Variants in FSTL4 observed in about 807,000 individuals in gnomAD.
FSTL4 encodes the protein follistatin-related protein 4.
A neutral mutation model predicts 78.2 loss-of-function variants in FSTL4; 28 were observed. That is an observed-to-expected ratio of 0.36 (90% CI 0.27 to 0.49). The LOEUF (loss-of-function observed/expected upper bound fraction) is 0.49, where lower values mean the gene tolerates loss of function less well. Among genes scored for constraint, FSTL4 ranks in the 20% least tolerant of loss-of-function variants. The probability of loss-of-function intolerance (pLI) is 0.98; values close to 1 mark genes in which losing one functional copy is unlikely to be tolerated. For synonymous variants in FSTL4, 422 were observed against 440.5 expected (o/e 0.96, Z 0.53); for missense variants, 922 against 1,084.9 (o/e 0.85, Z 2.11).
intron 4 of FSTL4, among the ~76,000 whole-genome samples, chr5:133,327,762 C>T (rs1039767725): frequency 2.0e-5 from 3 of 152,176 alleles, no homozygotes; most frequent in African/African-American, 4.8e-5. Flanking sequence ...GCTGAGTTTG[C>T]GGCTGAAAGG....
chr5:133,417,600 T>C (rs1016465422), intron 3 of FSTL4, among the ~76,000 whole-genome samples: 3 of 152,010 alleles, frequency 2.0e-5, no homozygotes, highest in African/African-American at 7.2e-5. Flanking sequence ...AAACCAAAGA[T>C]AATGAGAAAA....
chr5:133,397,964 C>T (rs1756113624), intron 4 of FSTL4, among the ~76,000 whole-genome samples: 1 of 152,152 alleles, frequency 6.6e-6, no homozygotes, highest in Admixed American at 6.5e-5. Flanking sequence ...ATTCGTGGAC[C>T]TCAAGCTGTT....
intron 2 of FSTL4, among the ~76,000 whole-genome samples, chr5:133,595,182 G>C (rs370630): frequency 0.12 from 17,935 of 152,198 alleles, 1,497 homozygotes; most frequent in African/African-American, 0.24. Flanking sequence ...TCTAGGAAGG[G>C]GATGGCAACT....
At chr5:133,556,394 G>T (rs990749013) in intron 3 of FSTL4, among the ~76,000 whole-genome samples, 3 of 152,102 alleles carry the variant, frequency 2.0e-5, no homozygotes, top group Non-Finnish European at 4.4e-5. Flanking sequence ...CCTCTAAATT[G>T]TCTTGAATGT....
intron 3 of FSTL4, among the ~76,000 whole-genome samples, chr5:133,527,827 A>T (rs763568606): frequency 6.6e-6 from 1 of 152,184 alleles, no homozygotes. Context: ...CCCAGACAAA[A>T]GAGTCCAAGT....
At chr5:133,724,098 G>C in the FSTL4 span, among the ~76,000 whole-genome samples, 1 of 152,350 alleles carries the variant, frequency 6.6e-6, no homozygotes, top group South Asian at 2.1e-4. Flanking sequence ...GCACAATGTA[G>C]TCACAGCAGG....
At chr5:133,301,597 G>T (rs914054043) in intron 6 of FSTL4, among the ~76,000 whole-genome samples, 1 of 152,102 alleles carries the variant, frequency 6.6e-6, no homozygotes, top group African/African-American at 2.4e-5. Flanking sequence ...GAGTCCTTTG[G>T]GGCCCATTCC....
At chr5:133,792,418 C>CA in the FSTL4 span, among the ~76,000 whole-genome samples, 6 of 152,310 alleles carry the variant, frequency 3.9e-5, no homozygotes, top group South Asian at 2.1e-4. Flanking sequence ...TACATATGAT[C>CA]AAAAGCATTA....
chr5:133,735,327 G>A, the FSTL4 span, among the ~76,000 whole-genome samples: 1 of 152,312 alleles, frequency 6.6e-6, no homozygotes, highest in East Asian at 1.9e-4. Flanking sequence ...GCTGGGCATG[G>A]TGGTGTGTGC....
At chr5:133,782,570 C>CT in the FSTL4 span, among the ~76,000 whole-genome samples, 1 of 152,238 alleles carries the variant, frequency 6.6e-6, no homozygotes, top group African/African-American at 2.4e-5. Flanking sequence ...TGTGATCTTT[C>CT]TTTCCATCTG....
the FSTL4 span, among the ~76,000 whole-genome samples, chr5:133,629,129 A>G: frequency 6.6e-6 from 1 of 150,982 alleles, no homozygotes; most frequent in Non-Finnish European, 1.5e-5. Context: ...AGTTCTTATT[A>G]TTTTGAAATA....
intron 3 of FSTL4, among the ~76,000 whole-genome samples, chr5:133,539,156 C>T (rs113657742): frequency 1.3e-5 from 2 of 152,230 alleles, no homozygotes; most frequent in African/African-American, 4.8e-5. Flanking sequence ...GGAAATAGAT[C>T]CCATCTCTAC....
At chr5:133,817,926 T>C in the FSTL4 span, among the ~76,000 whole-genome samples, 1 of 152,196 alleles carries the variant, frequency 6.6e-6, no homozygotes, top group East Asian at 1.9e-4. Context: ...ATAAAGAAAA[T>C]GAATCTTGAG....
the FSTL4 span, among the ~76,000 whole-genome samples, chr5:133,709,652 CCTT>C: frequency 0.24 from 36,456 of 151,954 alleles, 4,928 homozygotes; most frequent in African/African-American, 0.37. Flanking sequence ...ACCATCTTTT[CCTT>C]CTTCTTCTCC....
chr5:133,486,413 G>A (rs1266662122), intron 3 of FSTL4, among the ~76,000 whole-genome samples: 1 of 151,554 alleles, frequency 6.6e-6, no homozygotes, highest in Non-Finnish European at 1.5e-5. Flanking sequence ...CGGCAGAGGA[G>A]GGGGGATTGA....
At chr5:133,467,629 T>C (rs1195232313) in intron 3 of FSTL4, among the ~76,000 whole-genome samples, 1 of 152,002 alleles carries the variant, frequency 6.6e-6, no homozygotes, top group African/African-American at 2.4e-5. Context: ...ACGGAGGGGA[T>C]GGGCAGAAGA....
chr5:133,495,087 G>A (rs565627278), intron 3 of FSTL4, among the ~76,000 whole-genome samples: 2 of 152,262 alleles, frequency 1.3e-5, no homozygotes, highest in East Asian at 1.9e-4. Flanking sequence ...GAATCCATCC[G>A]GGGAAACGAG....
chr5:133,799,008 GGAAGGGA>G, the FSTL4 span, among the ~76,000 whole-genome samples: 1 of 86,832 alleles, frequency 1.2e-5, no homozygotes, highest in African/African-American at 4.1e-5. Context: ...GAGAGAGAGG[GGAAGGGA>G]AGGAATTAGA....
chr5:133,839,905 A>G, the FSTL4 span, among the ~76,000 whole-genome samples: 1 of 152,206 alleles, frequency 6.6e-6, no homozygotes, highest in Non-Finnish European at 1.5e-5. Context: ...GCCAGTTGGC[A>G]GGTCTTGTGT....
Sources: allele counts gnomAD v4.1 joint callset (sites outside exome capture counted in the v4.1 genomes callset), GRCh38; gene constraint gnomAD v4.1.1; transcripts MANE v1.5; gene names NCBI Gene and HGNC (gene_info 2026-07-23, HGNC 2026-07-21).